Variants in PSMA1 observed in about 807,000 individuals in gnomAD.
PSMA1 encodes the protein proteasome subunit alpha type-1.
A neutral mutation model predicts 38.4 loss-of-function variants in PSMA1; 3 were observed. The observed-to-expected ratio is 0.08, with a 90% CI of 0.04 to 0.20. PSMA1 has a LOEUF of 0.20. Ranked by LOEUF, PSMA1 falls within the 10% of genes least tolerant of loss-of-function variation. PSMA1 has a pLI of 1.00. For missense variants in PSMA1, 227 were observed against 325.3 expected (o/e 0.70, Z 2.32); for synonymous variants, 101 against 107.1 (o/e 0.94, Z 0.35).
chr11:14,564,688 T>G (rs1314442214), intron 2 of PSMA1, among the ~76,000 whole-genome samples: 1 of 152,232 alleles, frequency 6.6e-6, no homozygotes, highest in Non-Finnish European at 1.5e-5. Flanking sequence ...TTCTTCATCC[T>G]TAGCAGCATT....
intron 2 of PSMA1, among the ~76,000 whole-genome samples, chr11:14,527,694 C>G (rs1211256467): frequency 6.6e-6 from 1 of 152,132 alleles, no homozygotes; most frequent in Non-Finnish European, 1.5e-5. Context: ...GGGTAGAGGC[C>G]TTTCCCACAG....
intron 2 of PSMA1, among the ~76,000 whole-genome samples, chr11:14,560,901 G>T (rs1281349124): frequency 2.0e-5 from 3 of 151,958 alleles, no homozygotes; most frequent in Non-Finnish European, 4.4e-5. Context: ...GAATAATTTT[G>T]GTTTTAAAAT....
intron 2 of PSMA1, among the ~76,000 whole-genome samples, chr11:14,575,511 T>C (rs1418424141): frequency 6.6e-6 from 1 of 152,062 alleles, no homozygotes; most frequent in Non-Finnish European, 1.5e-5. Flanking sequence ...CATGCGGTGT[T>C]TGGTTTTCTG....
intron 2 of PSMA1, among the ~76,000 whole-genome samples, chr11:14,590,750 A>C (rs1852403132): frequency 1.3e-5 from 2 of 152,160 alleles, no homozygotes; most frequent in Admixed American, 6.5e-5. Context: ...AGAAGTTAAA[A>C]CTACACAAAC....
chr11:14,550,604 G>GA (rs1259012174), intron 2 of PSMA1, among the ~76,000 whole-genome samples: 2 of 151,320 alleles, frequency 1.3e-5, no homozygotes. Flanking sequence ...AACTAGAGAA[G>GA]AAAAAAAACA....
intron 2 of PSMA1, among the ~76,000 whole-genome samples, chr11:14,575,569 T>A (rs1271222516): frequency 2.0e-5 from 3 of 152,186 alleles, no homozygotes; most frequent in Non-Finnish European, 4.4e-5. Context: ...TTCCTCCATG[T>A]CCCTACAAAG....
chr11:14,521,135 G>GTCTGACCTCTCTGCAAACAGCTGCCAA (rs1851520799), upstream of PSMA1, among the ~76,000 whole-genome samples: 1 of 151,172 alleles, frequency 6.6e-6, no homozygotes, highest in Admixed American at 6.6e-5. Flanking sequence ...TAACGAAATA[G>GTCTGACCTCTCTGCAAACAGCTGCCAA]TCTGACATCC....
intron 5 of PSMA1, chr11:14,514,195 T>A: frequency 1.5e-6 from 2 of 1,344,344 alleles, no homozygotes; most frequent in Non-Finnish European, 9.5e-7. Flanking sequence ...TCTAAAAAGA[T>A]GCTTAGATGA....
intron 2 of PSMA1, among the ~76,000 whole-genome samples, chr11:14,525,782 C>T (rs1196770685): frequency 6.6e-6 from 1 of 152,218 alleles, no homozygotes; most frequent in Admixed American, 6.5e-5. Flanking sequence ...CTGACCCTGA[C>T]ACCCATCAGT....
intron 2 of PSMA1, among the ~76,000 whole-genome samples, chr11:14,529,798 A>G (rs1565037649): frequency 1.3e-5 from 2 of 151,992 alleles, no homozygotes; most frequent in Non-Finnish European, 2.9e-5. Context: ...GTATAGCTAC[A>G]CTCCCAGCTT....
intron 2 of PSMA1, among the ~76,000 whole-genome samples, chr11:14,600,351 G>T (rs1852564764): frequency 6.6e-6 from 1 of 152,230 alleles, no homozygotes. Flanking sequence ...CCTGCCCACA[G>T]AGGTGAAGTC....
Position 14,510,895 on chromosome 11 carries a change from C to T in PSMA1, c.601G>A (p.Ala201Thr), listed in dbSNP as rs1262130429. 4 of 1,607,986 alleles carry T rather than the reference C, an allele frequency of 2.5e-6. No individual in the cohort carries two copies. The highest frequency in any genetic ancestry group is 1.3e-5 in the African/African-American group (1 of 74,754). ...GLRALRETLPAEQDLTTKNVS... is the reference protein window; with the variant it reads ...GLRALRETLPTEQDLTTKNVS... ...ACCTTTGTAGTCAGGTCCTGTTCTG[C>T]AGGAAGCGTCTCTCTTAAGGCACGC... The change falls in exon 8 of 10, where the codon GCA (alanine) becomes ACA (threonine). Residue 201 changes from alanine to threonine, a missense_variant. Coordinates refer to ENST00000396394, the MANE Select transcript of PSMA1 (RefSeq NM_002786.4).
intron 9 of PSMA1, among the ~76,000 whole-genome samples, chr11:14,506,202 C>A (rs1213771098): frequency 6.6e-6 from 1 of 152,176 alleles, no homozygotes; most frequent in East Asian, 1.9e-4. Flanking sequence ...TATATAATTT[C>A]ACATTTCTGA....
chr11:14,518,603 T>C (rs1353715561), intron 2 of PSMA1, among the ~76,000 whole-genome samples: 1 of 152,206 alleles, frequency 6.6e-6, no homozygotes, highest in Non-Finnish European at 1.5e-5. Context: ...CCTGCATTAT[T>C]AACTGTAGTC....
chr11:14,543,060 A>C (rs563397491), intron 2 of PSMA1, among the ~76,000 whole-genome samples: 250 of 152,252 alleles, frequency 1.6e-3, no homozygotes, highest in Non-Finnish European at 2.4e-3. Flanking sequence ...TGAACTCCTG[A>C]GTTTAGGCAA....
At chr11:14,625,050 C>T (rs985280766) in intron 1 of PSMA1, among the ~76,000 whole-genome samples, 2 of 152,160 alleles carry the variant, frequency 1.3e-5, no homozygotes, top group African/African-American at 4.8e-5. Flanking sequence ...CTAAGTTTTC[C>T]CTCAGGAAGA....
chr11:14,638,505 A>ACCTCTCTCTCTCTCTC lies in PSMA1; in HGVS notation c.-166+4934_-166+4949dup, dbSNP rs1482890355. Among the ~76,000 whole-genome samples the ACCTCTCTCTCTCTCTC allele has an allele frequency of 9.8e-4, 59 of 60,264 alleles. 2 individuals are homozygous for ACCTCTCTCTCTCTCTC. The highest frequency in any genetic ancestry group is 0.014 in the Middle Eastern group (1 of 74). The allele number at this position is 60,264 out of a possible 152,430, so 39.5% of individuals were successfully genotyped here. ...TTAAGTTGGCTTAGTGGAGAAACAC[A>ACCTCTCTCTCTCTCTC]CCTCTCTCTCTCTCTCTCTCTCTCT... On this transcript the variant is annotated intron_variant, in intron 1 of 10. Coordinates refer to the PSMA1 transcript ENST00000418988.
chr11:14,553,105 G>C (rs904104105), intron 2 of PSMA1, among the ~76,000 whole-genome samples: 5 of 152,046 alleles, frequency 3.3e-5, no homozygotes, highest in Admixed American at 1.3e-4. Context: ...GATTACAGGT[G>C]TGAGCCATTA....
chr11:14,619,908 C>T (rs2134202829), intron 1 of PSMA1, among the ~76,000 whole-genome samples: 1 of 152,194 alleles, frequency 6.6e-6, no homozygotes, highest in Non-Finnish European at 1.5e-5. Flanking sequence ...GACTATATGG[C>T]ATCAGAACCT....
Sources: allele counts gnomAD v4.1 joint callset (sites outside exome capture counted in the v4.1 genomes callset), GRCh38; gene constraint gnomAD v4.1.1; transcripts MANE v1.5; gene names NCBI Gene and HGNC (gene_info 2026-07-23, HGNC 2026-07-21).